Variants in TMEM266 observed in about 807,000 individuals in gnomAD.
The protein encoded by TMEM266 is Hv1 related protein 1.
A neutral mutation model predicts 50.5 loss-of-function variants in TMEM266; 33 were observed. That is an observed-to-expected ratio of 0.65 (90% CI 0.50 to 0.87). TMEM266 has a LOEUF of 0.87. Ranked by LOEUF, TMEM266 falls within the 40% of genes least tolerant of loss-of-function variation. The probability of loss-of-function intolerance (pLI) is 0.00; values close to 1 mark genes in which losing one functional copy is unlikely to be tolerated. For missense variants in TMEM266, 655 were observed against 695.1 expected, an observed-to-expected ratio of 0.94 and a Z score of 0.65; for synonymous variants, 310 against 292.3, an observed-to-expected ratio of 1.06 and a Z score of -0.62.
rs149919967 is a variant in TMEM266 at position 76,197,599 on chromosome 15, T to C, written c.959-4603T>C. 2.3e-3 allele frequency among the ~76,000 whole-genome samples: 345 copies of C among 152,376 alleles called. 1 individual carries two copies. Among genetic ancestry groups the C allele is most frequent in the African/African-American group, 8.0e-3 (334 of 41,594 alleles). On this transcript the variant is annotated intron_variant, in intron 9 of 10. Transcript: ENST00000388942. ...GAGCATTTAGTCATATGCACAGCTC[T>C]CATCCCTTGTATACAGTAGGCGCTC...
intron 1 of TMEM266, among the ~76,000 whole-genome samples, chr15:76,109,553 A>G (rs1473106699): frequency 6.6e-6 from 1 of 152,130 alleles, no homozygotes; most frequent in African/African-American, 2.4e-5. Flanking sequence ...TCCCGACAAC[A>G]TGGGAGGCTG....
At chr15:76,121,294 T>C (rs2955767) in intron 1 of TMEM266, among the ~76,000 whole-genome samples, 7,004 of 152,288 alleles carry the variant, frequency 0.046, 516 homozygotes, top group African/African-American at 0.16. Context: ...AAATGTATTA[T>C]TTTATGTGTT....
chr15:76,196,469 GA>G (rs2038658163), intron 9 of TMEM266, among the ~76,000 whole-genome samples: 1 of 152,232 alleles, frequency 6.6e-6, no homozygotes, highest in South Asian at 2.1e-4. Flanking sequence ...CCTTGACCAG[GA>G]ACTGTGTCCA....
At chr15:76,148,657 C>T (rs936472559) in intron 3 of TMEM266, among the ~76,000 whole-genome samples, 1 of 152,204 alleles carries the variant, frequency 6.6e-6, no homozygotes, top group African/African-American at 2.4e-5. Context: ...GACAGCCAAT[C>T]CATGGTGTGT....
chr15:76,076,910 C>T (rs796069794), intron 1 of TMEM266, among the ~76,000 whole-genome samples: 15 of 152,164 alleles, frequency 9.9e-5, no homozygotes, highest in African/African-American at 3.6e-4. Context: ...GAAATCCAGT[C>T]ATGTATTGAG....
intron 3 of TMEM266, among the ~76,000 whole-genome samples, chr15:76,142,108 G>A (rs1001086562): frequency 6.6e-6 from 1 of 152,184 alleles, no homozygotes; most frequent in African/African-American, 2.4e-5. Flanking sequence ...CTGCTTTCAG[G>A]CCGGGTGCAG....
intron 7 of TMEM266, among the ~76,000 whole-genome samples, chr15:76,173,550 G>A (rs1459385229): frequency 6.6e-6 from 1 of 152,158 alleles, no homozygotes; most frequent in Admixed American, 6.5e-5. Context: ...TCTCTTCTGG[G>A]TCTCACTATA....
intron 1 of TMEM266, among the ~76,000 whole-genome samples, chr15:76,124,863 C>A (rs555984619): frequency 6.6e-6 from 1 of 152,026 alleles, no homozygotes; most frequent in Non-Finnish European, 1.5e-5. Context: ...TTGTATGGAA[C>A]CACAAAAGAC....
In TMEM266 at chr15:76,153,267, C is replaced by T. The variant is rs1050920151; in HGVS notation, c.228-3337C>T. On this transcript the variant is annotated intron_variant, in intron 3 of 10. Coordinates refer to ENST00000388942, the MANE Select transcript of TMEM266 (RefSeq NM_152335.3). The surrounding 1 kb of genome is among the most constrained non-coding windows in gnomAD (Gnocchi z 4.2). The stretch of plus-strand genomic sequence containing the variant: ...TATATGGAACTAGTGCTCCTGAATA[C>T]AATGCTTCGTTTCATTCCCTACTCC... Among the ~76,000 whole-genome samples, 1 of 152,162 alleles carries T rather than the reference C, an allele frequency of 6.6e-6. No individual in the cohort carries two copies. The highest frequency in any genetic ancestry group is 1.5e-5 in the Non-Finnish European group (1 of 68,038).
chr15:76,186,693 C>T (rs1348593910), intron 8 of TMEM266, among the ~76,000 whole-genome samples: 3 of 152,230 alleles, frequency 2.0e-5, no homozygotes, highest in Non-Finnish European at 4.4e-5. Context: ...GCAGTAGCCT[C>T]CCACCTGGCA....
chr15:76,126,295 A>G (rs1467213703), intron 1 of TMEM266, among the ~76,000 whole-genome samples: 1 of 150,682 alleles, frequency 6.6e-6, no homozygotes. Context: ...ACTATTCACA[A>G]TGTCCAAGAT....
At chr15:76,084,981 CAAG>C (rs1445487994) in intron 1 of TMEM266, among the ~76,000 whole-genome samples, 1 of 142,250 alleles carries the variant, frequency 7.0e-6, no homozygotes, top group Non-Finnish European at 1.5e-5. Flanking sequence ...TTTATTGAGA[CAAG>C]AGTCTCACTC....
At chr15:76,196,088 C>T (rs936458678) in intron 9 of TMEM266, among the ~76,000 whole-genome samples, 32 of 152,278 alleles carry the variant, frequency 2.1e-4, no homozygotes, top group African/African-American at 6.3e-4. Flanking sequence ...CAGGATGTCA[C>T]GGGGTCTGCA....
rs2038127953 is a variant in TMEM266 at position 76,168,204 on chromosome 15, C to G, written c.457-1612C>G. 6.6e-6 allele frequency among the ~76,000 whole-genome samples: 1 copy of G among 152,190 alleles called. No individual in the cohort carries two copies. Among genetic ancestry groups the G allele is most frequent in the African/African-American group, 2.4e-5 (1 of 41,442 alleles). On this transcript the variant is annotated intron_variant, in intron 5 of 10. Coordinates refer to ENST00000388942, the MANE Select transcript of TMEM266 (RefSeq NM_152335.3). The surrounding 1 kb of genome is among the most constrained non-coding windows in gnomAD (Gnocchi z 4.4). ...GTCTCGCAGTTAAGCGTGGGGCCACCCACCCAGAGACCGGGAAGTTATAGC... is the reference window on the plus strand; with the variant it reads ...GTCTCGCAGTTAAGCGTGGGGCCACGCACCCAGAGACCGGGAAGTTATAGC...
chr15:76,178,656 G>A lies in TMEM266; in HGVS notation c.768+2982G>A, dbSNP rs544022249. 3 of 152,296 alleles carry A rather than the reference G, an allele frequency of 2.0e-5. No homozygotes were observed. In the East Asian group the frequency reaches 5.8e-4, roughly 29 times the overall value. 9.4% of individuals were successfully genotyped at this position (152,296 alleles called of 1,614,324 possible). A position where few individuals can be genotyped will look rare whatever the true frequency, so the allele number is the denominator to read the frequency against. On this transcript the variant is annotated intron_variant, in intron 8 of 10. Coordinates refer to ENST00000388942, the MANE Select transcript of TMEM266 (RefSeq NM_152335.3). ...AGCCCCCCGGGGACCCCAGGTTCCT[G>A]CCGTCCTGGTTCAAGTCACCTCCAC...
At position 76,199,602 on chromosome 15, in the gene TMEM266, G is replaced by A. The variant is rs1400774630; in HGVS notation, c.959-2600G>A. ...GCAGAGGAGGGCAGTTTCTGAACACGCTCGGAGGATGTGAGGGTGCATTAG... is the reference window on the plus strand; with the variant it reads ...GCAGAGGAGGGCAGTTTCTGAACACACTCGGAGGATGTGAGGGTGCATTAG... On this transcript the variant is annotated intron_variant, in intron 9 of 10. Transcript: ENST00000388942. 3.3e-5 allele frequency among the ~76,000 whole-genome samples: 5 copies of A among 152,342 alleles called. No homozygotes were observed. In the South Asian group the frequency reaches 6.2e-4, roughly 19 times the overall value.
chr15:76,124,784 G>A (rs1280573923), intron 1 of TMEM266, among the ~76,000 whole-genome samples: 1 of 152,088 alleles, frequency 6.6e-6, no homozygotes, highest in South Asian at 2.1e-4. Context: ...TGATGATGGA[G>A]TGAGACTCTC....
At chr15:76,195,202 A>G (rs2038636520) in intron 9 of TMEM266, among the ~76,000 whole-genome samples, 1 of 152,126 alleles carries the variant, frequency 6.6e-6, no homozygotes, top group African/African-American at 2.4e-5. Flanking sequence ...CCAGGTCCGG[A>G]TCCTGCCCCA....
At chr15:76,116,748 T>G (rs2037252485) in intron 1 of TMEM266, among the ~76,000 whole-genome samples, 1 of 152,170 alleles carries the variant, frequency 6.6e-6, no homozygotes, top group African/African-American at 2.4e-5. Context: ...ACATAGGGAT[T>G]GTCAAACATA....
Sources: allele counts gnomAD v4.1 joint callset (sites outside exome capture counted in the v4.1 genomes callset), GRCh38; gene constraint gnomAD v4.1.1; non-coding constraint Gnocchi (gnomAD v3.1); transcripts MANE v1.5; gene names NCBI Gene and HGNC (gene_info 2026-07-23, HGNC 2026-07-21).